The following CSTPP1 variants were observed in gnomAD, a reference collection of about 807,000 sequenced individuals.
The protein encoded by CSTPP1 is UPF0705 protein C11orf49.
the CSTPP1 span, among the ~76,000 whole-genome samples, chr11:47,034,258 TG>T: frequency 5.9e-5 from 9 of 152,226 alleles, no homozygotes; most frequent in Non-Finnish European, 1.2e-4. Context: ...AACTGGCAAC[TG>T]GTATTTATCT....
chr11:47,105,796 C>T, the CSTPP1 span, among the ~76,000 whole-genome samples: 2 of 152,194 alleles, frequency 1.3e-5, no homozygotes, highest in Admixed American at 1.3e-4. Flanking sequence ...GAGCCAAGCA[C>T]ATAAAATGCA....
chr11:47,099,705 C>T, the CSTPP1 span, among the ~76,000 whole-genome samples: 1 of 152,174 alleles, frequency 6.6e-6, no homozygotes, highest in Non-Finnish European at 1.5e-5. Flanking sequence ...TTTGTATTGC[C>T]TTATTACACT....
the CSTPP1 span, among the ~76,000 whole-genome samples, chr11:47,027,474 C>T: frequency 6.6e-6 from 1 of 152,098 alleles, no homozygotes; most frequent in Non-Finnish European, 1.5e-5. Context: ...TAGCAGCAGC[C>T]CCCAGGGTAG....
the CSTPP1 span, among the ~76,000 whole-genome samples, chr11:47,086,232 TCCAAA>T: frequency 0.031 from 973 of 31,738 alleles, 39 homozygotes; most frequent in African/African-American, 0.11. Context: ...CTACTAAAAA[TCCAAA>T]AAAAAAAAAA....
the CSTPP1 span, among the ~76,000 whole-genome samples, chr11:47,009,762 C>T: frequency 5.3e-5 from 8 of 151,802 alleles, no homozygotes; most frequent in East Asian, 1.9e-4. Flanking sequence ...GACCCAAGAT[C>T]GCACTACTGC....
chr11:47,038,831 G>C, the CSTPP1 span, among the ~76,000 whole-genome samples: 2 of 120,382 alleles, frequency 1.7e-5, 1 homozygote, highest in Non-Finnish European at 4.0e-5. Context: ...CAGACGGGGC[G>C]GTTGCCAGGC....
At chr11:46,995,389 T>C in the CSTPP1 span, among the ~76,000 whole-genome samples, 1 of 152,222 alleles carries the variant, frequency 6.6e-6, no homozygotes, top group African/African-American at 2.4e-5. Context: ...TTTTAGATCT[T>C]TCCTGCTTTC....
chr11:46,964,275 TTCTC>T, the CSTPP1 span, among the ~76,000 whole-genome samples: 37 of 149,266 alleles, frequency 2.5e-4, no homozygotes, highest in Non-Finnish European at 2.7e-4. Flanking sequence ...TCACAGTGTC[TTCTC>T]TCTCTCTCTC....
chr11:47,011,612 T>C, the CSTPP1 span, among the ~76,000 whole-genome samples: 1 of 152,240 alleles, frequency 6.6e-6, no homozygotes, highest in Non-Finnish European at 1.5e-5. Context: ...AGGTAGGCCA[T>C]GTATCCATCC....
At chr11:46,965,180 A>G in the CSTPP1 span, among the ~76,000 whole-genome samples, 1 of 152,144 alleles carries the variant, frequency 6.6e-6, no homozygotes, top group South Asian at 2.1e-4. Flanking sequence ...AATTCATTTA[A>G]AATAACAATA....
the CSTPP1 span, chr11:47,160,913 A>C: frequency 1.7e-6 from 1 of 595,544 alleles, no homozygotes; most frequent in Non-Finnish European, 2.9e-6. Flanking sequence ...CAGGCAGGGA[A>C]AGTAGGCAGT....
At chr11:47,149,218 G>A in the CSTPP1 span, among the ~76,000 whole-genome samples, 5 of 152,186 alleles carry the variant, frequency 3.3e-5, no homozygotes, top group East Asian at 1.9e-4. Flanking sequence ...TCTCTAGCCC[G>A]GAGGCATGGT....
chr11:47,140,574 G>C, the CSTPP1 span, among the ~76,000 whole-genome samples: 1 of 151,896 alleles, frequency 6.6e-6, no homozygotes, highest in Non-Finnish European at 1.5e-5. Flanking sequence ...GGGATTATAG[G>C]TGTGCACACC....
the CSTPP1 span, among the ~76,000 whole-genome samples, chr11:47,043,666 CCAGAGAAAA>C: frequency 6.6e-6 from 1 of 152,086 alleles, no homozygotes. Context: ...TAAATTTACT[CCAGAGAAAA>C]CAAAAATAGT....
chr11:47,038,407 C>A, the CSTPP1 span, among the ~76,000 whole-genome samples: 1 of 92,470 alleles, frequency 1.1e-5, no homozygotes, highest in Non-Finnish European at 2.7e-5. Flanking sequence ...GGCGGCCGGG[C>A]AGAGGCGCCC....
At chr11:47,066,357 T>G in the CSTPP1 span, among the ~76,000 whole-genome samples, 1 of 152,094 alleles carries the variant, frequency 6.6e-6, no homozygotes, top group Non-Finnish European at 1.5e-5. Context: ...GGATTTTCTC[T>G]GGGTACTCCA....
the CSTPP1 span, among the ~76,000 whole-genome samples, chr11:47,020,389 T>A: frequency 6.6e-6 from 1 of 152,224 alleles, no homozygotes; most frequent in African/African-American, 2.4e-5. Context: ...TTCTTAGGAA[T>A]CCAAATCCTC....
At chr11:47,056,755 C>T in the CSTPP1 span, among the ~76,000 whole-genome samples, 2 of 152,054 alleles carry the variant, frequency 1.3e-5, no homozygotes, top group South Asian at 2.1e-4. Context: ...AATTTTAATC[C>T]GGAATTAGTG....
chr11:47,106,872 C>G, the CSTPP1 span, among the ~76,000 whole-genome samples: 1 of 152,146 alleles, frequency 6.6e-6, no homozygotes, highest in East Asian at 1.9e-4. Flanking sequence ...CAGAAAGAGG[C>G]AGACTGATGA....
Sources: allele counts gnomAD v4.1 joint callset (sites outside exome capture counted in the v4.1 genomes callset), GRCh38; gene constraint gnomAD v4.1.1; transcripts MANE v1.5; gene names NCBI Gene and HGNC (gene_info 2026-07-23, HGNC 2026-07-21).